The following VGLL4 variants were observed in gnomAD, a reference collection of about 807,000 sequenced individuals.
VGLL4 encodes the protein transcription cofactor vestigial-like protein 4.
In VGLL4, 7 loss-of-function variants were observed where a neutral mutation model predicts 21.0. The ratio of observed to expected loss-of-function variants is 0.33; its 90% CI spans 0.19 to 0.63. VGLL4 has a LOEUF of 0.63. VGLL4 is among the 20% of genes least tolerant of loss of function. VGLL4 has a pLI of 0.78. For missense variants in VGLL4, 394 were observed against 425.7 expected (o/e 0.93, Z 0.66); for synonymous variants, 222 against 173.2 (o/e 1.28, Z -2.21).
chr3:11,615,495 T>C (rs1469572833), intron 1 of VGLL4, among the ~76,000 whole-genome samples: 1 of 152,200 alleles, frequency 6.6e-6, no homozygotes, highest in Non-Finnish European at 1.5e-5. Context: ...CGGAAGGACC[T>C]GGCGCCAGCC....
chr3:11,703,196 G>C (rs868004069), intron 1 of VGLL4: 1 of 693,842 alleles, frequency 1.4e-6, no homozygotes, highest in Non-Finnish European at 2.2e-6. Context: ...AACAGAATGG[G>C]CTTGGTTCAG....
chr3:11,711,407 A>G (rs1172482856), intron 1 of VGLL4, among the ~76,000 whole-genome samples: 1 of 152,044 alleles, frequency 6.6e-6, no homozygotes, highest in African/African-American at 2.4e-5. Context: ...GACTAAAAGT[A>G]CAAAAAATTA....
chr3:11,718,258 A>G (rs933393398), intron 1 of VGLL4, among the ~76,000 whole-genome samples: 1 of 152,260 alleles, frequency 6.6e-6, no homozygotes, highest in African/African-American at 2.4e-5. Context: ...GGCCAGATGT[A>G]ACAGGAAATA....
chr3:11,630,258 A>C (rs2075447234), intron 1 of VGLL4, among the ~76,000 whole-genome samples: 1 of 152,262 alleles, frequency 6.6e-6, no homozygotes, highest in African/African-American at 2.4e-5. Flanking sequence ...GTAATGAATT[A>C]CAAGTTAACA....
intron 2 of VGLL4, among the ~76,000 whole-genome samples, chr3:11,689,330 C>G (rs1404986200): frequency 6.6e-6 from 1 of 152,190 alleles, no homozygotes; most frequent in African/African-American, 2.4e-5. Context: ...CCTCGTCCCG[C>G]TTCCTATCTC....
chr3:11,718,432 C>T (rs1488139762), intron 1 of VGLL4, among the ~76,000 whole-genome samples: 1 of 152,120 alleles, frequency 6.6e-6, no homozygotes, highest in East Asian at 1.9e-4. Context: ...CCCCAAAGGT[C>T]TCCTTAAACT....
intron 1 of VGLL4, among the ~76,000 whole-genome samples, chr3:11,628,195 C>A (rs2075395461): frequency 6.6e-6 from 1 of 151,408 alleles, no homozygotes; most frequent in Non-Finnish European, 1.5e-5. Context: ...TCGAGACCAG[C>A]CTGACCAACA....
At chr3:11,570,546 C>T (rs2073735600) in intron 2 of VGLL4, among the ~76,000 whole-genome samples, 2 of 152,164 alleles carry the variant, frequency 1.3e-5, no homozygotes, top group Admixed American at 1.3e-4. Context: ...GACCACATAC[C>T]AGATGTTCTA....
chr3:11,601,600 C>A (rs1313526918), intron 2 of VGLL4, among the ~76,000 whole-genome samples: 1 of 152,178 alleles, frequency 6.6e-6, no homozygotes, highest in Non-Finnish European at 1.5e-5. Flanking sequence ...GTTTAACATG[C>A]GGAAGGTCCT....
At chr3:11,718,787 T>C (rs2076952176) in intron 1 of VGLL4, among the ~76,000 whole-genome samples, 1 of 151,994 alleles carries the variant, frequency 6.6e-6, no homozygotes, top group African/African-American at 2.4e-5. Context: ...CCCACACCCC[T>C]ACCCTCCCGC....
chr3:11,701,023 T>G (rs1408667332), intron 2 of VGLL4, among the ~76,000 whole-genome samples: 1 of 152,044 alleles, frequency 6.6e-6, no homozygotes, highest in African/African-American at 2.4e-5. Flanking sequence ...ACTGGTAGAA[T>G]GATGATCTTG....
intron 2 of VGLL4, chr3:11,671,362 G>T: frequency 8.9e-7 from 1 of 1,128,636 alleles, no homozygotes; most frequent in Non-Finnish European, 1.3e-6. Context: ...CGAGGACTAC[G>T]ATTCTGCATT....
intron 2 of VGLL4, among the ~76,000 whole-genome samples, chr3:11,679,036 T>C (rs1210343292): frequency 6.6e-6 from 1 of 152,242 alleles, no homozygotes; most frequent in Non-Finnish European, 1.5e-5. Context: ...TTACGTGCAG[T>C]ATATAATAAT....
chr3:11,666,026 G>A (rs1488820439), intron 2 of VGLL4, among the ~76,000 whole-genome samples: 3 of 152,038 alleles, frequency 2.0e-5, no homozygotes, highest in Non-Finnish European at 4.4e-5. Flanking sequence ...CGAGGCGGGC[G>A]GATCACGAGG....
At chr3:11,622,395 T>C (rs1462882181) in intron 1 of VGLL4, among the ~76,000 whole-genome samples, 1 of 136,750 alleles carries the variant, frequency 7.3e-6, no homozygotes, top group Admixed American at 7.9e-5. Context: ...GTCTTCCCAA[T>C]GCCTTATTTT....
At chr3:11,640,851 C>CTCAT in intron 1 of VGLL4, among the ~76,000 whole-genome samples, 1 of 152,142 alleles carries the variant, frequency 6.6e-6, no homozygotes, top group South Asian at 2.1e-4. Context: ...AGTGCGGTGG[C>CTCAT]TCATGCCTGT....
upstream of VGLL4, among the ~76,000 whole-genome samples, chr3:11,648,343 T>C (rs1347013941): frequency 1.3e-5 from 2 of 152,208 alleles, no homozygotes; most frequent in Admixed American, 6.5e-5. Context: ...AGATAGCACT[T>C]TGCCTTATAC....
intron 2 of VGLL4, among the ~76,000 whole-genome samples, chr3:11,669,036 T>C (rs1270452034): frequency 6.6e-6 from 1 of 152,254 alleles, no homozygotes; most frequent in Non-Finnish European, 1.5e-5. Flanking sequence ...TAGACTGTGA[T>C]TCATATTTAA....
intron 2 of VGLL4, among the ~76,000 whole-genome samples, chr3:11,587,548 G>C (rs189434045): frequency 8.5e-5 from 13 of 152,334 alleles, no homozygotes; most frequent in Admixed American, 8.5e-4. Context: ...CTAGAAAACA[G>C]CCGAAAAACA....
Sources: allele counts gnomAD v4.1 joint callset (sites outside exome capture counted in the v4.1 genomes callset), GRCh38; gene constraint gnomAD v4.1.1; transcripts MANE v1.5; gene names NCBI Gene and HGNC (gene_info 2026-07-23, HGNC 2026-07-21).